The following ANXA13 variants were observed in gnomAD, a reference collection of about 807,000 sequenced individuals.
ANXA13 encodes annexin A13, also known as annexin XIII.
In ANXA13, 36 loss-of-function variants were observed where a neutral mutation model predicts 46.6. The ratio of observed to expected loss-of-function variants is 0.77; its 90% CI spans 0.59 to 1.02. The LOEUF (loss-of-function observed/expected upper bound fraction) is 1.02, where lower values mean the gene tolerates loss of function less well. ANXA13 is among the 50% of genes least tolerant of loss of function. The pLI is 0.00. For missense variants in ANXA13, 417 were observed against 396.5 expected (o/e 1.05, Z -0.44); for synonymous variants, 163 against 152.9 (o/e 1.07, Z -0.49).
At chr8:123,696,601 G>T (rs916609907) in intron 4 of ANXA13, among the ~76,000 whole-genome samples, 2 of 152,158 alleles carry the variant, frequency 1.3e-5, no homozygotes, top group Non-Finnish European at 2.9e-5. Context: ...GTCAGTAGGT[G>T]GTGATTGGGA....
chr8:123,689,118 G>C (rs73703636), intron 8 of ANXA13, among the ~76,000 whole-genome samples, 172 bp from the exon 9 acceptor site: 8,730 of 151,902 alleles, frequency 0.057, 634 homozygotes, highest in African/African-American at 0.18. Flanking sequence ...CCACCCATTC[G>C]AGAGAGGGCT....
intron 1 of ANXA13, among the ~76,000 whole-genome samples, chr8:123,732,634 C>T (rs1005400716): frequency 2.0e-5 from 3 of 151,574 alleles, no homozygotes; most frequent in African/African-American, 7.3e-5. Context: ...TATCTGTCCT[C>T]TGCCGACTTC....
At chr8:123,728,515 T>C (rs1814046657) in intron 1 of ANXA13, 1 of 152,188 alleles carries the variant, frequency 6.6e-6, no homozygotes, top group African/African-American at 2.4e-5. Flanking sequence ...GATTCATTAC[T>C]TGCAGGAAAA....
At chr8:123,725,253 C>A (rs1323787444) in intron 1 of ANXA13, among the ~76,000 whole-genome samples, 2 of 152,004 alleles carry the variant, frequency 1.3e-5, no homozygotes. Context: ...GAAGAGGTAA[C>A]CCATATATTT....
intron 1 of ANXA13, chr8:123,727,769 T>A (rs1814030075): frequency 6.6e-6 from 1 of 151,734 alleles, no homozygotes; most frequent in South Asian, 2.1e-4. Flanking sequence ...CTTTAAAAAG[T>A]GTGGAGAAGG....
In ANXA13 at chr8:123,690,074, T is replaced by G. The variant is rs1813206404; in HGVS notation, c.643-1128A>C. ...AACCAGATTAGAAGAGTGGGGGAAC[T>G]GTCCCTTCCTTAGCTGCCCCCAGTC... On this transcript the variant is annotated intron_variant, in intron 8 of 10. Coordinates refer to ENST00000419625, the MANE Select transcript of ANXA13 (RefSeq NM_004306.4). This position sits in a 1 kb window ranked among gnomAD's most constrained non-coding sequence, Gnocchi z 4.6. Among the ~76,000 whole-genome samples, 1 of 152,180 alleles carries G rather than the reference T, an allele frequency of 6.6e-6. No individual in the cohort carries two copies. The highest frequency in any genetic ancestry group is 1.5e-5 in the Non-Finnish European group (1 of 68,030).
rs79799527 is a variant in ANXA13 at position 123,700,242 on chromosome 8, T to C, written c.187-1683A>G. Among the ~76,000 whole-genome samples, 64 of 37,346 alleles carry C rather than the reference T, an allele frequency of 1.7e-3. 1 individual carries two copies. The highest frequency in any genetic ancestry group is 0.016 in the East Asian group (61 of 3,852). The allele number at this position is 37,346 out of a possible 152,430, so 24.5% of individuals were successfully genotyped here. On this transcript the variant is annotated intron_variant, in intron 3 of 10. Transcript: ENST00000419625. ...ATTGGAAATATATTTTCAGGCCAGA[T>C]GGGCATTATATAAGCTGCAGAGAAG... is the stretch of plus-strand genomic sequence containing the variant.
chr8:123,683,312 G>A (rs1369581632), intron 10 of ANXA13, among the ~76,000 whole-genome samples: 1 of 152,016 alleles, frequency 6.6e-6, no homozygotes, highest in Non-Finnish European at 1.5e-5. Context: ...CCATCTTGTT[G>A]CAAAGTTATA....
At chr8:123,696,580 T>C (rs7004780) in intron 4 of ANXA13, among the ~76,000 whole-genome samples, 71,446 of 151,722 alleles carry the variant, frequency 0.47, 17,953 homozygotes, top group South Asian at 0.66. Flanking sequence ...ACCAAGCTGG[T>C]TAAAATGAAA....
At chr8:123,723,887 T>C (rs1303047177) in intron 1 of ANXA13, among the ~76,000 whole-genome samples, 1 of 152,220 alleles carries the variant, frequency 6.6e-6, no homozygotes, top group Non-Finnish European at 1.5e-5. Flanking sequence ...TGTAGGTACT[T>C]GGTAAATGTT....
At chr8:123,699,997 T>A (rs1813412612) in intron 3 of ANXA13, among the ~76,000 whole-genome samples, 1 of 152,104 alleles carries the variant, frequency 6.6e-6, no homozygotes, top group Non-Finnish European at 1.5e-5. Context: ...CTGAAAAAAA[T>A]TTTCTAAGAG....
chr8:123,730,454 G>A (rs1414694657), intron 1 of ANXA13, among the ~76,000 whole-genome samples: 3 of 152,124 alleles, frequency 2.0e-5, no homozygotes, highest in Non-Finnish European at 4.4e-5. Flanking sequence ...ACTCTAATGT[G>A]CTGAAGTTTA....
chr8:123,731,902 A>C (rs761802359), intron 1 of ANXA13, among the ~76,000 whole-genome samples: 25 of 152,124 alleles, frequency 1.6e-4, no homozygotes, highest in Non-Finnish European at 3.2e-4. Flanking sequence ...CAAAAAACCC[A>C]GATGGTTCTA....
At chr8:123,685,149 C>T (rs965022337) in intron 9 of ANXA13, among the ~76,000 whole-genome samples, 4 of 152,212 alleles carry the variant, frequency 2.6e-5, no homozygotes, top group African/African-American at 9.6e-5. Context: ...CGCCTGCTCT[C>T]CTATGCTCAA....
At position 123,681,139 on chromosome 8, in the gene ANXA13, T is replaced by C; in HGVS notation, c.*101A>G. ...AGCTGCCAAGAAAGTAATCCGGGACTCTTAAGGGTTTTCGTGCGGGAGTCT... is the reference window on the plus strand; with the variant it reads ...AGCTGCCAAGAAAGTAATCCGGGACCCTTAAGGGTTTTCGTGCGGGAGTCT... On this transcript the variant is annotated 3_prime_UTR_variant, in exon 11 of 11. Transcript: ENST00000419625. 1 of 1,454,118 alleles carries C rather than the reference T, an allele frequency of 6.9e-7. No individual in the cohort carries two copies. The highest frequency in any genetic ancestry group is 9.2e-7 in the Non-Finnish European group (1 of 1,085,904). 90.1% of individuals were successfully genotyped at this position (1,454,118 alleles called of 1,614,324 possible).
chr8:123,709,787 T>C (rs944142418), intron 2 of ANXA13, among the ~76,000 whole-genome samples: 3 of 152,210 alleles, frequency 2.0e-5, no homozygotes, highest in Non-Finnish European at 4.4e-5. Context: ...AGATGGTGTC[T>C]CTCTTTGTCA....
At chr8:123,723,603 C>T (rs74363471) in intron 1 of ANXA13, among the ~76,000 whole-genome samples, 5,847 of 152,222 alleles carry the variant, frequency 0.038, 142 homozygotes, top group African/African-American at 0.046. Flanking sequence ...TGAAATCAGT[C>T]ACAGTGAAAG....
In ANXA13 at chr8:123,695,844, A is replaced by T. The variant is rs1003343320; in HGVS notation, c.358-123T>A. ...AGTGCCTTCAAGACTTCCTCTTAAG[A>T]TGGTCATCCCTATAGGTCCAGGGCA... On this transcript the variant is annotated intron_variant, in intron 4 of 10. Coordinates refer to ENST00000419625, the MANE Select transcript of ANXA13 (RefSeq NM_004306.4). 7 of 831,224 alleles carry T rather than the reference A, an allele frequency of 8.4e-6. No homozygotes were observed. In the Admixed American group the frequency reaches 8.6e-5, roughly 10 times the overall value. 51.5% of individuals were successfully genotyped at this position (831,224 alleles called of 1,614,324 possible). A position where few individuals can be genotyped will look rare whatever the true frequency, so the allele number is the denominator to read the frequency against.
intron 2 of ANXA13, 106 bp from the exon 3 acceptor site, chr8:123,702,842 G>A (rs1813469532): frequency 1.1e-5 from 11 of 1,016,472 alleles, no homozygotes. Flanking sequence ...AAAGGTGGTT[G>A]GAGGTGTCTA....
Sources: allele counts gnomAD v4.1 joint callset (sites outside exome capture counted in the v4.1 genomes callset), GRCh38; gene constraint gnomAD v4.1.1; non-coding constraint Gnocchi (gnomAD v3.1); transcripts MANE v1.5; gene names NCBI Gene and HGNC (gene_info 2026-07-23, HGNC 2026-07-21).